The following LUC7L3 variants were observed in gnomAD, a reference collection of about 807,000 sequenced individuals.
LUC7L3 encodes the protein luc7-like protein 3.
Under a neutral mutation model 66.8 loss-of-function variants are expected in LUC7L3, and 6 were observed. That is an observed-to-expected ratio of 0.09 (90% CI 0.05 to 0.18). The LOEUF (loss-of-function observed/expected upper bound fraction) is 0.18, where lower values mean the gene tolerates loss of function less well. Ranked by LOEUF, LUC7L3 falls within the 10% of genes least tolerant of loss-of-function variation. LUC7L3 has a pLI of 1.00. For missense variants in LUC7L3, 341 were observed against 531.1 expected, an observed-to-expected ratio of 0.64 and a Z score of 3.52; for synonymous variants, 160 against 174.7, an observed-to-expected ratio of 0.92 and a Z score of 0.66.
intron 1 of LUC7L3, among the ~76,000 whole-genome samples, chr17:50,735,952 G>A (rs532043855): frequency 9.7e-4 from 147 of 152,302 alleles, no homozygotes; most frequent in Admixed American, 2.6e-3. Context: ...GACCAACATG[G>A]TGAAACCCTG....
At chr17:50,749,295 C>T (rs1162602398) in intron 9 of LUC7L3, 1 of 1,289,376 alleles carries the variant, frequency 7.8e-7, no homozygotes, top group East Asian at 5.5e-5. Context: ...TTGAAGCTAC[C>T]TGTGCACCGG....
At chr17:50,739,169 C>G (rs1196710861) in intron 2 of LUC7L3, among the ~76,000 whole-genome samples, 1 of 152,084 alleles carries the variant, frequency 6.6e-6, no homozygotes, top group East Asian at 1.9e-4. Flanking sequence ...TTCTCATCTA[C>G]TACAGAGCAG....
intron 9 of LUC7L3, among the ~76,000 whole-genome samples, chr17:50,749,619 C>G (rs1970884336): frequency 6.6e-6 from 1 of 152,112 alleles, no homozygotes; most frequent in African/African-American, 2.4e-5. Context: ...CTTAAAATGT[C>G]TTTTTGTCTA....
At chr17:50,724,611 T>TTTGTGTG (rs112805672) in intron 1 of LUC7L3, among the ~76,000 whole-genome samples, 2 of 147,170 alleles carry the variant, frequency 1.4e-5, no homozygotes, top group African/African-American at 5.0e-5. Flanking sequence ...TTTAGGAAAA[T>TTTGTGTG]TGTGTGTGTG....
chr17:50,727,166 C>G (rs1017108785), intron 1 of LUC7L3, among the ~76,000 whole-genome samples: 19 of 152,066 alleles, frequency 1.2e-4, no homozygotes, highest in Non-Finnish European at 1.9e-4. Context: ...TATTGTAAGG[C>G]TTCCAGTCAG....
chr17:50,742,813 C>T (rs1391264246), intron 5 of LUC7L3, among the ~76,000 whole-genome samples: 2 of 152,088 alleles, frequency 1.3e-5, no homozygotes. Flanking sequence ...AAAACCCAGA[C>T]TGGAATCAAT....
Position 50,752,086 on chromosome 17 carries a change from C to A in LUC7L3, c.*1425C>A. ...CCTTGATAATTAAAAAGAATACAAGCATTCCATGTACACATGTTAATTAGC... is the reference window on the plus strand; with the variant it reads ...CCTTGATAATTAAAAAGAATACAAGAATTCCATGTACACATGTTAATTAGC... On this transcript the variant is annotated 3_prime_UTR_variant, in exon 10 of 10. Transcript: ENST00000505658. 8.3e-7 allele frequency: 1 copy of A among 1,203,750 alleles called. No homozygotes were observed. The highest frequency in any genetic ancestry group is 1.5e-5 in the South Asian group (1 of 65,624). 74.6% of individuals were successfully genotyped at this position (1,203,750 alleles called of 1,614,324 possible).
At chr17:50,730,715 C>T (rs763623479) in intron 1 of LUC7L3, among the ~76,000 whole-genome samples, 9 of 151,646 alleles carry the variant, frequency 5.9e-5, no homozygotes, top group Non-Finnish European at 7.4e-5. Context: ...CTGAGGTGGG[C>T]GGATCATTTG....
Position 50,746,619 on chromosome 17 carries a change from G to T in LUC7L3, c.1055G>T (p.Arg352Ile). The T allele has an allele frequency of 1.2e-6, 2 of 1,614,124 alleles. No individual in the cohort carries two copies. Among genetic ancestry groups the T allele is most frequent in the Non-Finnish European group, 1.7e-6 (2 of 1,179,990 alleles). Residue 352 changes from arginine to isoleucine, a missense_variant, in exon 9 of 10, where the codon AGA becomes ATA. Physicochemically the swap from Arg to Ile is moderately conservative, Grantham distance 97. Coordinates refer to ENST00000505658, the MANE Select transcript of LUC7L3 (RefSeq NM_016424.5). Reference sequence around the variant, plus strand: ...AGATCTCGAAGTCGGGATCGAAGAAGATCAAAAAGCCGGGATCGAAAGTCA... The same window carrying T: ...AGATCTCGAAGTCGGGATCGAAGAATATCAAAAAGCCGGGATCGAAAGTCA... ...KHRSRSRDRR[R>I]SKSRDRKSYK...
intron 1 of LUC7L3, among the ~76,000 whole-genome samples, chr17:50,732,575 T>C (rs975821466): frequency 6.6e-6 from 1 of 151,146 alleles, no homozygotes; most frequent in African/African-American, 2.4e-5. Flanking sequence ...TTTTTTTTTT[T>C]TTTAGAGACA....
Position 50,755,158 on chromosome 17 carries a change from G to A in LUC7L3, c.*4497G>A, listed in dbSNP as rs563508823. On this transcript the variant is annotated 3_prime_UTR_variant, in exon 10 of 10. Transcript: ENST00000505658. ...ACCCCAGGTCTACTTTTGAAATTTT[G>A]TATTATAATTGTAATGTTGCCCATG... 6.6e-6 allele frequency: 1 copy of A among 151,670 alleles called. No homozygotes were observed. Among genetic ancestry groups the A allele is most frequent in the African/African-American group, 2.4e-5 (1 of 41,250 alleles). 9.4% of individuals were successfully genotyped at this position (151,670 alleles called of 1,614,324 possible).
chr17:50,734,961 G>A (rs568434466), intron 1 of LUC7L3, among the ~76,000 whole-genome samples: 1 of 152,002 alleles, frequency 6.6e-6, no homozygotes, highest in South Asian at 2.1e-4. Context: ...ACGTCTGAGC[G>A]CGGTGAGGCC....
chr17:50,751,213 C>T lies in LUC7L3; in HGVS notation c.*552C>T. The T allele has an allele frequency of 6.9e-7, 1 of 1,438,916 alleles. No homozygotes were observed. The highest frequency in any genetic ancestry group is 1.2e-5 in the South Asian group (1 of 82,080). The allele number at this position is 1,438,916 out of a possible 1,614,324, so 89.1% of individuals were successfully genotyped here. A position where few individuals can be genotyped will look rare whatever the true frequency, so the allele number is the denominator to read the frequency against. On this transcript the variant is annotated 3_prime_UTR_variant, in exon 10 of 10. Coordinates refer to ENST00000505658, the MANE Select transcript of LUC7L3 (RefSeq NM_016424.5). The stretch of plus-strand genomic sequence containing the variant: ...GCCTTGCATTCTAATGCAGTTTGTT[C>T]TGTAACTCGAGAGCCAGTAGCATTG...
rs1003543733 is a variant in LUC7L3, at chr17:50,752,973, C to T, written c.*2312C>T. 1 of 152,088 alleles carries T rather than the reference C, an allele frequency of 6.6e-6. No homozygotes were observed. The highest frequency in any genetic ancestry group is 1.5e-5 in the Non-Finnish European group (1 of 68,014). The allele number at this position is 152,088 out of a possible 1,614,324, so 9.4% of individuals were successfully genotyped here. ...AAGTATCCTGACAAGCACTCTTTAG[C>T]TGGCTAGCTATGGGATGATGTAGAA... On this transcript the variant is annotated 3_prime_UTR_variant, in exon 10 of 10. Transcript: ENST00000505658.
chr17:50,754,596 C>T lies in LUC7L3; in HGVS notation c.*3935C>T, dbSNP rs1002538289. 2 of 152,312 alleles carry T rather than the reference C, an allele frequency of 1.3e-5. No homozygotes were observed. The highest frequency in any genetic ancestry group is 1.3e-4 in the Admixed American group (2 of 15,310). 9.4% of individuals were successfully genotyped at this position (152,312 alleles called of 1,614,324 possible). On this transcript the variant is annotated 3_prime_UTR_variant, in exon 10 of 10. Transcript: ENST00000505658. ...ACCAGTCTGCTGCTCAAGACATCCT[C>T]TCCTCTGGAATGTAGAGATAATACA...
At chr17:50,743,303 ATTC>A (rs903595620) in intron 5 of LUC7L3, among the ~76,000 whole-genome samples, 6 of 151,752 alleles carry the variant, frequency 4.0e-5, no homozygotes, top group Non-Finnish European at 8.8e-5. Context: ...GGTTCAAGCA[ATTC>A]TTCTGCCTCA....
At chr17:50,727,948 C>CA (rs5820830) in intron 1 of LUC7L3, among the ~76,000 whole-genome samples, 66,636 of 133,890 alleles carry the variant, frequency 0.5, 15,885 homozygotes, top group African/African-American at 0.59. Flanking sequence ...ACTAAAAATA[C>CA]AAAAAAAAAA....
rs780529830 is a variant in LUC7L3, at chr17:50,755,620, TAAG to T, written c.*4962_*4964del. 7 of 152,234 alleles carry T rather than the reference TAAG, an allele frequency of 4.6e-5. No homozygotes were observed. The highest frequency in any genetic ancestry group is 8.8e-5 in the Non-Finnish European group (6 of 68,044). The allele number at this position is 152,234 out of a possible 1,614,324, so 9.4% of individuals were successfully genotyped here. ...CAAATAGGTCATTTGTCAACAGATT[TAAG>T]AATGTTTAGAAACAACAACTTTGGG... is the stretch of plus-strand genomic sequence containing the variant. On this transcript the variant is annotated 3_prime_UTR_variant, in exon 10 of 10. Coordinates refer to ENST00000505658, the MANE Select transcript of LUC7L3 (RefSeq NM_016424.5).
chr17:50,723,651 G>GC (rs71353658), intron 1 of LUC7L3: 3,786 of 148,636 alleles, frequency 0.025, 203 homozygotes, highest in African/African-American at 0.094. Flanking sequence ...CCTGCTCCCT[G>GC]CCCCCCCCCC....
Sources: gnomAD v4.1 joint callset for allele counts (sites outside exome capture counted in the v4.1 genomes callset) on GRCh38, gnomAD v4.1.1 for gene constraint, MANE v1.5 for transcripts, NCBI Gene and HGNC (gene_info 2026-07-23, HGNC 2026-07-21) for gene names.